OR51A7: variants seen among roughly 807,000 people sequenced by gnomAD.
The protein encoded by OR51A7 is olfactory receptor 51A7.
For synonymous variants in OR51A7, 143 were observed against 135.5 expected (o/e 1.05, Z -0.38); for missense variants, 409 against 374.5 (o/e 1.09, Z -0.76).
intron 1 of OR51A7, among the ~76,000 whole-genome samples, chr11:4,906,573 G>A (rs1035995157): frequency 1.3e-5 from 2 of 152,092 alleles, no homozygotes; most frequent in African/African-American, 2.4e-5. Context: ...TTACTTTATA[G>A]CATCTAATGA....
Position 4,907,416 on chromosome 11 carries a change from G to T in OR51A7, c.47G>T (p.Gly16Val), listed in dbSNP as rs1386147707. Residue 16 changes from glycine (G) to valine (V), a missense_variant, in exon 2 of 2, where the codon GGG becomes GTG. Gly to Val is a moderately radical substitution (Grantham distance 109). Coordinates refer to ENST00000641490, the MANE Select transcript of OR51A7 (RefSeq NM_001004749.2). ...NSEVKLFLLI[G>V]IPGLEHAHIW... ...GAAGTCAAGCTTTTCCTTCTGATTGGGATCCCAGGACTGGAACATGCCCAC... is the reference window on the plus strand; with the variant it reads ...GAAGTCAAGCTTTTCCTTCTGATTGTGATCCCAGGACTGGAACATGCCCAC... 2 of 1,613,772 alleles carry T rather than the reference G, an allele frequency of 1.2e-6. No homozygotes were observed. The highest frequency in any genetic ancestry group is 1.7e-6 in the Non-Finnish European group (2 of 1,179,940).
At position 4,907,632 on chromosome 11, in the gene OR51A7, A is replaced by C; in HGVS notation, c.263A>C (p.Asn88Thr). 6.2e-7 allele frequency: 1 copy of C among 1,613,986 alleles called. No homozygotes were observed. The highest frequency in any genetic ancestry group is 8.5e-7 in the Non-Finnish European group (1 of 1,179,980). The change falls in exon 2 of 2, where the codon AAT becomes ACT. Residue 88 changes from asparagine to threonine, a missense_variant. By Grantham distance (65) the Asn-to-Thr change is moderately conservative (BLOSUM62 0). Transcript: ENST00000641490. ...ACCATGTTGAGGGTCTTCTTGTTCAATGCCATGGGAATTTCACCTAATGCC... is the reference window on the plus strand; with the variant it reads ...ACCATGTTGAGGGTCTTCTTGTTCACTGCCATGGGAATTTCACCTAATGCC... ...LPTMLRVFLFNAMGISPNACF... is the reference protein window; with the variant it reads ...LPTMLRVFLFTAMGISPNACF...
chr11:4,906,639 T>C (rs1850893914), intron 1 of OR51A7, among the ~76,000 whole-genome samples: 1 of 152,224 alleles, frequency 6.6e-6, no homozygotes, highest in Non-Finnish European at 1.5e-5. Flanking sequence ...AGACTATTTC[T>C]TTCAAACTTT....
rs1338615886 is a variant in OR51A7 at position 4,908,159 on chromosome 11, G to T, written c.790G>T (p.Ala264Ser). 2 of 1,614,040 alleles carry T rather than the reference G, an allele frequency of 1.2e-6. No homozygotes were observed. Among genetic ancestry groups the T allele is most frequent in the Non-Finnish European group, 1.7e-6 (2 of 1,180,040 alleles). The stretch of plus-strand genomic sequence containing the variant: ...CACCCTGGCTGCCATGCATCACTTT[G>T]CCAAGCACAAAAGCCCTCTTGTTGT... ...IITLAAMHHF[A>S]KHKSPLVVIL... is the part of the protein sequence containing the mutation. The change falls in exon 2 of 2, where the codon GCC becomes TCC. Residue 264 changes from alanine to serine, a missense_variant. Transcript: ENST00000641490.
rs1850931426 is a variant in OR51A7 at position 4,908,101 on chromosome 11, C to G, written c.732C>G (p.Ile244Met). 1 of 1,614,002 alleles carries G rather than the reference C, an allele frequency of 6.2e-7. No individual in the cohort carries two copies. Among genetic ancestry groups the G allele is most frequent in the South Asian group, 1.1e-5 (1 of 91,092 alleles). Residue 244 changes from isoleucine (I) to methionine (M), a missense_variant, in exon 2 of 2, where the codon ATC becomes ATG. Coordinates refer to ENST00000641490, the MANE Select transcript of OR51A7 (RefSeq NM_001004749.2). ...CCCTAAATACCTGTGTCTCCCACAT[C>G]TGTGCTGTGCTCACCTTCTATGTGC... ...LKALNTCVSH[I>M]CAVLTFYVPI...
intron 1 of OR51A7, among the ~76,000 whole-genome samples, chr11:4,906,168 C>A (rs1850885059): frequency 6.6e-6 from 1 of 152,284 alleles, no homozygotes; most frequent in South Asian, 2.1e-4. Context: ...ACATTTAATA[C>A]ATGAATATGT....
Position 4,907,805 on chromosome 11 carries a change from C to T in OR51A7, c.436C>T (p.Leu146Phe), listed in dbSNP as rs142993597. Residue 146 changes from leucine to phenylalanine, a missense_variant, in exon 2 of 2, where the codon CTT becomes TTT. Physicochemically the swap from Leu to Phe is conservative, Grantham distance 22 (BLOSUM62 0). Coordinates refer to ENST00000641490, the MANE Select transcript of OR51A7 (RefSeq NM_001004749.2). ...TAGCAACAGGGTTGCTAAAATGGGA[C>T]TTATTTTAGCCATTAGGAGCATTCT... ...LTSNRVAKMG[L>F]ILAIRSILLV... is the part of the protein sequence containing the mutation. The T allele has an allele frequency of 8.7e-6, 14 of 1,613,962 alleles. No homozygotes were observed. The East Asian group carries it at 2.9e-4, about 33-fold the overall frequency.
Position 4,907,455 on chromosome 11 carries a change from TC to T in OR51A7, c.90del (p.Ile31PhefsTer19). ...GAACATGCCCACATTTGGTTCTCCA[TC>T]CCCATTTGCCTCATGTACCTGCTTG... Reference protein sequence around the residue: ...GLEHAHIWFSIPICLMYLLAI... With the variant: ...GLEHAHIWFSXPICLMYLLAI... On this transcript the variant is annotated frameshift_variant, in exon 2 of 2. Transcript: ENST00000641490. LOFTEE classifies it low-confidence loss of function (END_TRUNC). The T allele has an allele frequency of 6.2e-7, 1 of 1,613,954 alleles. No individual in the cohort carries two copies. Among genetic ancestry groups the T allele is most frequent in the Non-Finnish European group, 8.5e-7 (1 of 1,179,948 alleles).
At chr11:4,905,079 A>G (rs1308955937) in intron 1 of OR51A7, among the ~76,000 whole-genome samples, 2 of 152,152 alleles carry the variant, frequency 1.3e-5, no homozygotes, top group Non-Finnish European at 2.9e-5. Flanking sequence ...GACGAAAATA[A>G]AAAGGAATAA....
Position 4,908,544 on chromosome 11 carries a change from C to G in OR51A7, c.*236C>G. 1.9e-6 allele frequency: 1 copy of G among 536,072 alleles called. No homozygotes were observed. Among genetic ancestry groups the G allele is most frequent in the Non-Finnish European group, 3.3e-6 (1 of 298,980 alleles). 33.2% of individuals were successfully genotyped at this position (536,072 alleles called of 1,614,324 possible). On this transcript the variant is annotated 3_prime_UTR_variant, in exon 2 of 2. Coordinates refer to ENST00000641490, the MANE Select transcript of OR51A7 (RefSeq NM_001004749.2). ...TTTTAAGGGAAGTTGAAGGAAAATACTTCTGTGATGGAGCAGCTGGATTTG... is the reference window on the plus strand; with the variant it reads ...TTTTAAGGGAAGTTGAAGGAAAATAGTTCTGTGATGGAGCAGCTGGATTTG...
In OR51A7 at chr11:4,907,609, C is replaced by A; in HGVS notation, c.240C>A (p.Thr80=). ...DMGLSLSSLP[T]MLRVFLFNAM... is the part of the protein sequence containing the mutation. The stretch of plus-strand genomic sequence containing the variant: ...GCCTGTCCCTCTCCTCCCTTCCTAC[C>A]ATGTTGAGGGTCTTCTTGTTCAATG... The change falls in exon 2 of 2, where the codon ACC becomes ACA. Residue 80 remains threonine, a synonymous_variant. Transcript: ENST00000641490. 1.2e-6 allele frequency: 2 copies of A among 1,613,782 alleles called. No individual in the cohort carries two copies. The highest frequency in any genetic ancestry group is 1.7e-6 in the Non-Finnish European group (2 of 1,179,744).
intron 1 of OR51A7, among the ~76,000 whole-genome samples, chr11:4,906,352 C>T (rs1295457545): frequency 6.6e-6 from 1 of 152,092 alleles, no homozygotes; most frequent in Non-Finnish European, 1.5e-5. Context: ...AATATCAAAA[C>T]CTACCAAGAT....
Position 4,907,675 on chromosome 11 carries a change from C to T in OR51A7, c.306C>T (p.Phe102=), listed in dbSNP as rs756335092. The change falls in exon 2 of 2, where the codon TTC becomes TTT. Residue 102 remains phenylalanine, a synonymous_variant. Coordinates refer to ENST00000641490, the MANE Select transcript of OR51A7 (RefSeq NM_001004749.2). ...ISPNACFAQE[F]FIHGFTVMES... ...CTAATGCCTGCTTTGCTCAAGAATT[C>T]TTCATTCATGGATTCACTGTCATGG... 2.5e-6 allele frequency: 4 copies of T among 1,613,866 alleles called. No homozygotes were observed. The highest frequency in any genetic ancestry group is 4.5e-5 in the East Asian group (2 of 44,866).
chr11:4,907,191 T>G, intron 1 of OR51A7, 148 bp from the exon 2 acceptor site: 1 of 515,774 alleles, frequency 1.9e-6, no homozygotes, highest in Non-Finnish European at 3.4e-6. Context: ...GAATATGAAC[T>G]TGTTTAAGGA....
intron 1 of OR51A7, among the ~76,000 whole-genome samples, chr11:4,904,589 G>C (rs989766184): frequency 6.6e-6 from 1 of 151,920 alleles, no homozygotes; most frequent in Non-Finnish European, 1.5e-5. Flanking sequence ...TTTACTCTTT[G>C]GTTTCAGATA....
intron 1 of OR51A7, among the ~76,000 whole-genome samples, chr11:4,904,464 T>C (rs566122177): frequency 6.6e-6 from 1 of 152,262 alleles, no homozygotes; most frequent in East Asian, 1.9e-4. Flanking sequence ...TCTACCTCCA[T>C]ATATTCCACC....
chr11:4,904,716 G>A (rs1268777195), intron 1 of OR51A7, among the ~76,000 whole-genome samples: 1 of 152,020 alleles, frequency 6.6e-6, no homozygotes, highest in East Asian at 1.9e-4. Context: ...TAAAATATGA[G>A]TGAAAAGAAT....
At position 4,909,196 on chromosome 11, in the gene OR51A7, G is replaced by A. The variant is rs550030669; in HGVS notation, c.*888G>A. On this transcript the variant is annotated 3_prime_UTR_variant, in exon 2 of 2. Transcript: ENST00000641490. ...TTAAAAATTGATTCCTGCAGGACAC[G>A]ACATTTGGTACCACAATAATTTTCA... 1.4e-4 allele frequency: 22 copies of A among 152,018 alleles called. No homozygotes were observed. In the South Asian group the frequency reaches 4.4e-3, roughly 30 times the overall value. 9.4% of individuals were successfully genotyped at this position (152,018 alleles called of 1,614,324 possible). A position where few individuals can be genotyped will look rare whatever the true frequency, so the allele number is the denominator to read the frequency against.
intron 1 of OR51A7, among the ~76,000 whole-genome samples, chr11:4,904,930 G>A (rs769071256): frequency 1.3e-5 from 2 of 152,110 alleles, no homozygotes; most frequent in African/African-American, 2.4e-5. Context: ...AGTAGTCAAT[G>A]TGCATGGTAG....
Sources: allele counts gnomAD v4.1 joint callset (sites outside exome capture counted in the v4.1 genomes callset), GRCh38; gene constraint gnomAD v4.1.1; transcripts MANE v1.5; gene names NCBI Gene and HGNC (gene_info 2026-07-23, HGNC 2026-07-21).